Variants in FBXO34 observed in about 807,000 individuals in gnomAD.
FBXO34 encodes the protein F-box only protein 34.
A neutral mutation model predicts 24.5 loss-of-function variants in FBXO34; 12 were observed. The observed-to-expected ratio is 0.49, with a 90% confidence interval of 0.31 to 0.79. The LOEUF (loss-of-function observed/expected upper bound fraction) is 0.79, where lower values mean the gene tolerates loss of function less well. FBXO34 is among the 30% of genes least tolerant of loss of function. The pLI, the probability that FBXO34 is intolerant of heterozygous loss-of-function variation, is 0.04. For missense variants in FBXO34, 823 were observed against 857.7 expected (o/e 0.96, Z 0.51); for synonymous variants, 320 against 311.9 (o/e 1.03, Z -0.27).
chr14:55,371,895 A>C (rs888316605), downstream of FBXO34, among the ~76,000 whole-genome samples: 3 of 152,316 alleles, frequency 2.0e-5, no homozygotes, highest in East Asian at 5.8e-4. Flanking sequence ...GTATTTTGCA[A>C]GGGTGAAAGG....
chr14:55,385,903 G>A, the FBXO34 span: 1 of 1,613,734 alleles, frequency 6.2e-7, no homozygotes, highest in African/African-American at 1.3e-5. Flanking sequence ...TGACAGAGGT[G>A]AGCTCTAATA....
chr14:55,323,015 T>G (rs912095191), intron 1 of FBXO34, among the ~76,000 whole-genome samples: 1 of 38,634 alleles, frequency 2.6e-5, no homozygotes, highest in African/African-American at 1.1e-4. Context: ...CTACTAAAAA[T>G]ACAAAAAAAA....
chr14:55,391,566 C>CAA, the FBXO34 span, among the ~76,000 whole-genome samples: 2 of 151,378 alleles, frequency 1.3e-5, no homozygotes, highest in African/African-American at 2.4e-5. Flanking sequence ...AGTTGAAGGA[C>CAA]ATTCTCTAAA....
chr14:55,402,404 G>C, the FBXO34 span, among the ~76,000 whole-genome samples: 2 of 151,976 alleles, frequency 1.3e-5, no homozygotes, highest in Admixed American at 1.3e-4. Flanking sequence ...CTTTTGATTC[G>C]GTTATTGCAT....
chr14:55,365,202 C>G (rs1431640648), downstream of FBXO34, among the ~76,000 whole-genome samples: 1 of 143,734 alleles, frequency 7.0e-6, no homozygotes, highest in Non-Finnish European at 1.5e-5. Flanking sequence ...CAAAGTGAGA[C>G]TCTATCATCT....
intron 1 of FBXO34, among the ~76,000 whole-genome samples, chr14:55,338,248 A>T (rs575853088): frequency 6.6e-5 from 10 of 150,978 alleles, no homozygotes; most frequent in African/African-American, 2.4e-4. Context: ...ACGGGGTTTC[A>T]CTGTGTTAGC....
At chr14:55,390,592 C>T in the FBXO34 span, among the ~76,000 whole-genome samples, 5 of 151,646 alleles carry the variant, frequency 3.3e-5, no homozygotes, top group South Asian at 6.3e-4. Flanking sequence ...AGGATGGTCT[C>T]GATCTCCTGA....
the FBXO34 span, among the ~76,000 whole-genome samples, chr14:55,432,761 A>G: frequency 6.6e-6 from 1 of 152,160 alleles, no homozygotes; most frequent in African/African-American, 2.4e-5. Flanking sequence ...TCAGGAGGAG[A>G]ATTTGCTTCT....
downstream of FBXO34, chr14:55,369,408 G>A: frequency 2.3e-6 from 1 of 433,938 alleles, no homozygotes; most frequent in Non-Finnish European, 4.0e-6. Context: ...TTCGACCCCT[G>A]TTCTCTTAAT....
chr14:55,372,086 G>A (rs569921910), downstream of FBXO34, among the ~76,000 whole-genome samples: 1 of 151,870 alleles, frequency 6.6e-6, no homozygotes, highest in East Asian at 1.9e-4. Context: ...CTCTCCTAGC[G>A]CCACTCCCAA....
the FBXO34 span, among the ~76,000 whole-genome samples, chr14:55,435,008 C>T: frequency 9.9e-5 from 15 of 152,026 alleles, no homozygotes; most frequent in South Asian, 2.1e-4. Flanking sequence ...GTAAACAAGC[C>T]ATTGAAAACA....
the FBXO34 span, chr14:55,424,306 C>G: frequency 8.4e-7 from 1 of 1,192,390 alleles, no homozygotes; most frequent in Non-Finnish European, 1.2e-6. Flanking sequence ...AGCTCCTTTC[C>G]CATAACATGT....
chr14:55,278,550 G>A (rs779050298), intron 1 of FBXO34, among the ~76,000 whole-genome samples: 2 of 152,088 alleles, frequency 1.3e-5, no homozygotes, highest in Non-Finnish European at 2.9e-5. Context: ...TGGTCCCTTT[G>A]TGTTCACATG....
intron 1 of FBXO34, among the ~76,000 whole-genome samples, chr14:55,300,375 G>A (rs962578326): frequency 1.3e-5 from 2 of 152,070 alleles, no homozygotes; most frequent in African/African-American, 2.4e-5. Context: ...GGTGGATCAC[G>A]AGGTCAGGAG....
At chr14:55,408,085 T>C in the FBXO34 span, among the ~76,000 whole-genome samples, 2 of 152,314 alleles carry the variant, frequency 1.3e-5, no homozygotes, top group East Asian at 3.9e-4. Flanking sequence ...ATGCATGCTT[T>C]ATGTAATCAC....
At chr14:55,294,870 T>TA (rs1882067060) in intron 1 of FBXO34, among the ~76,000 whole-genome samples, 1 of 152,224 alleles carries the variant, frequency 6.6e-6, no homozygotes, top group African/African-American at 2.4e-5. Context: ...CTGTTTGACT[T>TA]ACGTCCCGAT....
chr14:55,420,219 C>A, the FBXO34 span, among the ~76,000 whole-genome samples: 1 of 152,302 alleles, frequency 6.6e-6, no homozygotes, highest in East Asian at 1.9e-4. Flanking sequence ...TACAGGCACG[C>A]ACCACAATGC....
chr14:55,288,265 T>C (rs1881829003), intron 1 of FBXO34, among the ~76,000 whole-genome samples: 2 of 152,244 alleles, frequency 1.3e-5, no homozygotes, highest in African/African-American at 2.4e-5. Context: ...CCAATTTTTT[T>C]TGGGTATTTC....
At chr14:55,363,024 T>TCTC (rs1555340685), downstream of FBXO34, among the ~76,000 whole-genome samples, 41 of 54,718 alleles carry the variant, frequency 7.5e-4, no homozygotes, top group East Asian at 7.7e-3. Context: ...TCTCTCTCTC[T>TCTC]TTTTTTTTTT....
Sources: allele counts gnomAD v4.1 joint callset (sites outside exome capture counted in the v4.1 genomes callset), GRCh38; gene constraint gnomAD v4.1.1; transcripts MANE v1.5; gene names NCBI Gene and HGNC (gene_info 2026-07-23, HGNC 2026-07-21).